The following TOM1L1 variants were observed in gnomAD, a reference collection of about 807,000 sequenced individuals.
TOM1L1 encodes the protein target of myb1 like 1 membrane trafficking protein, also known as TOM1-like protein 1.
In TOM1L1, 64 loss-of-function variants were observed where a neutral mutation model predicts 63.4. The ratio of observed to expected loss-of-function variants is 1.01; its 90% CI spans 0.83 to 1.24. TOM1L1 has a LOEUF of 1.24. Ranked by LOEUF, TOM1L1 falls within the 50% of genes most tolerant of loss-of-function variation. The pLI is 0.00. For synonymous variants in TOM1L1, 166 were observed against 194.4 expected, an observed-to-expected ratio of 0.85 and a Z score of 1.22; for missense variants, 536 against 567.0, an observed-to-expected ratio of 0.95 and a Z score of 0.55.
chr17:54,930,540 A>C (rs2143857997), intron 8 of TOM1L1, among the ~76,000 whole-genome samples: 1 of 152,160 alleles, frequency 6.6e-6, no homozygotes, highest in African/African-American at 2.4e-5. Context: ...CCCTGTCTCT[A>C]CAAAAAATAA....
intron 4 of TOM1L1, 66 bp downstream of exon 4, chr17:54,912,881 C>A: frequency 7.6e-7 from 1 of 1,309,690 alleles, no homozygotes; most frequent in Non-Finnish European, 1.0e-6. Context: ...AGCTTACCTC[C>A]TGATTGTTTC....
chr17:54,937,346 CTA>C, intron 10 of TOM1L1, 120 bp downstream of exon 10: 1 of 814,084 alleles, frequency 1.2e-6, no homozygotes, highest in Non-Finnish European at 2.1e-6. Flanking sequence ...TGTCAGAGCG[CTA>C]TGTTAGGAGA....
intron 8 of TOM1L1, chr17:54,936,283 T>C (rs981722561): frequency 9.2e-5 from 16 of 173,546 alleles, no homozygotes; most frequent in Admixed American, 1.9e-4. Context: ...TTAAAAATTG[T>C]ATTTCAGCTA....
At chr17:54,926,952 A>T (rs1284579425) in intron 7 of TOM1L1, among the ~76,000 whole-genome samples, 3 of 152,326 alleles carry the variant, frequency 2.0e-5, no homozygotes, top group South Asian at 2.1e-4. Flanking sequence ...TTGTGTTTTC[A>T]TGTGGGTACG....
chr17:54,927,827 A>G (rs58957778), intron 7 of TOM1L1, among the ~76,000 whole-genome samples: 8,922 of 152,182 alleles, frequency 0.059, 837 homozygotes, highest in African/African-American at 0.2. Flanking sequence ...TGGCTTTTGA[A>G]GACGTTTTTC....
At chr17:54,943,909 G>A (rs1259160102) in intron 11 of TOM1L1, among the ~76,000 whole-genome samples, 6 of 151,648 alleles carry the variant, frequency 4.0e-5, no homozygotes, top group Admixed American at 6.6e-5. Context: ...CCCGGGAGGC[G>A]GAGGTTGCAG....
intron 15 of TOM1L1, chr17:54,960,996 C>A: frequency 3.6e-6 from 2 of 558,358 alleles, no homozygotes; most frequent in Non-Finnish European, 6.3e-6. Flanking sequence ...CCAAATAGGT[C>A]TGAATTTTTC....
At chr17:54,914,907 G>T (rs9910653) in intron 6 of TOM1L1, among the ~76,000 whole-genome samples, 164 bp downstream of exon 6, 2 of 152,018 alleles carry the variant, frequency 1.3e-5, no homozygotes, top group African/African-American at 4.8e-5. Context: ...CCATAGTTCA[G>T]TTCCAAGAAG....
intron 7 of TOM1L1, among the ~76,000 whole-genome samples, chr17:54,920,934 C>T (rs1009844004): frequency 6.8e-6 from 1 of 147,676 alleles, no homozygotes; most frequent in African/African-American, 2.6e-5. Context: ...TATTTTCACT[C>T]TCTCCACCAA....
intron 8 of TOM1L1, among the ~76,000 whole-genome samples, chr17:54,931,797 T>A (rs376342336): frequency 3.3e-5 from 5 of 151,022 alleles, no homozygotes; most frequent in African/African-American, 1.2e-4. Context: ...AGTGAGACCC[T>A]GTCTCAAAAA....
chr17:54,948,790 G>A (rs1291494841), intron 12 of TOM1L1, among the ~76,000 whole-genome samples: 1 of 152,180 alleles, frequency 6.6e-6, no homozygotes, highest in Non-Finnish European at 1.5e-5. Context: ...TATGAGAAGA[G>A]ATATTTCTAA....
At position 54,912,757 on chromosome 17, in the gene TOM1L1, T is replaced by G; in HGVS notation, c.314T>G (p.Leu105Arg). ...GTTAAAGAGAATTTAGTTAAGCTAC[T>G]GAATCCCAGATACAACTTGCCATTA... is the stretch of plus-strand genomic sequence containing the variant. ...EFVKENLVKLLNPRYNLPLDI... is the reference protein window; with the variant it reads ...EFVKENLVKLRNPRYNLPLDI... Residue 105 changes from leucine to arginine, a missense_variant, in exon 4 of 16, where the codon CTG becomes CGG. Physicochemically the swap from Leu to Arg is moderately radical, Grantham distance 102. Coordinates refer to ENST00000575882, the MANE Select transcript of TOM1L1 (RefSeq NM_005486.3). 6.2e-7 allele frequency: 1 copy of G among 1,611,662 alleles called. No individual in the cohort carries two copies. The highest frequency in any genetic ancestry group is 1.1e-5 in the South Asian group (1 of 90,386).
chr17:54,927,642 T>C (rs1215602176), intron 7 of TOM1L1, among the ~76,000 whole-genome samples: 3 of 152,192 alleles, frequency 2.0e-5, no homozygotes, highest in Non-Finnish European at 2.9e-5. Context: ...CACCAGCAGC[T>C]GTTGTTCTGT....
intron 8 of TOM1L1, 151 bp downstream of exon 8, chr17:54,930,357 T>C: frequency 9.6e-6 from 10 of 1,039,126 alleles, no homozygotes; most frequent in Non-Finnish European, 1.4e-5. Flanking sequence ...GGTGGGACAG[T>C]TTTCCCTTGT....
chr17:54,902,610 G>T (rs890321397), intron 1 of TOM1L1, among the ~76,000 whole-genome samples: 4 of 152,174 alleles, frequency 2.6e-5, no homozygotes, highest in African/African-American at 7.2e-5. Context: ...TCTTTTCCTG[G>T]ATTGAAAGCA....
intron 12 of TOM1L1, 102 bp from the exon 13 acceptor site, chr17:54,949,416 C>A: frequency 1.2e-6 from 1 of 831,710 alleles, no homozygotes; most frequent in Non-Finnish European, 1.9e-6. Context: ...TTGTCCAGTT[C>A]AAAGTTCTTG....
chr17:54,908,061 T>C (rs1430801239), intron 3 of TOM1L1, among the ~76,000 whole-genome samples: 1 of 152,128 alleles, frequency 6.6e-6, no homozygotes, highest in Admixed American at 6.5e-5. Context: ...TCTCATCAGG[T>C]AGTCTAATCT....
chr17:54,920,278 C>A (rs909936669), intron 7 of TOM1L1, among the ~76,000 whole-genome samples: 1 of 152,144 alleles, frequency 6.6e-6, no homozygotes, highest in South Asian at 2.1e-4. Context: ...GGAAGGAGTA[C>A]AACTGTAAAG....
intron 11 of TOM1L1, among the ~76,000 whole-genome samples, chr17:54,946,616 T>C (rs2049123736): frequency 6.6e-6 from 1 of 152,198 alleles, no homozygotes. Flanking sequence ...GATTTCTACA[T>C]TCTGAGTGTT....
Sources: allele counts gnomAD v4.1 joint callset (sites outside exome capture counted in the v4.1 genomes callset), GRCh38; gene constraint gnomAD v4.1.1; transcripts MANE v1.5; gene names NCBI Gene and HGNC (gene_info 2026-07-23, HGNC 2026-07-21).